PCDH7: variants seen among roughly 807,000 people sequenced by gnomAD.
The protein encoded by PCDH7 is protocadherin-7.
A neutral mutation model predicts 58.9 loss-of-function variants in PCDH7; 17 were observed. The ratio of observed to expected loss-of-function variants is 0.29; its 90% CI spans 0.20 to 0.43. PCDH7 has a LOEUF of 0.43. PCDH7 is among the 20% of genes least tolerant of loss of function. PCDH7 has a pLI of 1.00. For synonymous variants in PCDH7, 664 were observed against 616.4 expected, an observed-to-expected ratio of 1.08 and a Z score of -1.14; for missense variants, 1,274 against 1,441.0, an observed-to-expected ratio of 0.88 and a Z score of 1.88.
chr4:30,969,659 T>TGA (rs369288924), intron 3 of PCDH7, among the ~76,000 whole-genome samples: 7 of 151,494 alleles, frequency 4.6e-5, no homozygotes, highest in South Asian at 2.1e-4. Flanking sequence ...TAAGAGAGGA[T>TGA]GAGAGAGAGA....
At chr4:30,810,516 ATAAT>A (rs1374388580) in intron 1 of PCDH7, among the ~76,000 whole-genome samples, 3 of 152,100 alleles carry the variant, frequency 2.0e-5, no homozygotes, top group African/African-American at 4.8e-5. Flanking sequence ...ATTATAATGA[ATAAT>A]TAAATGATGA....
chr4:30,790,225 A>T (rs1345391871), intron 1 of PCDH7, among the ~76,000 whole-genome samples: 2 of 152,220 alleles, frequency 1.3e-5, no homozygotes, highest in African/African-American at 4.8e-5. Context: ...TTACTGAGTC[A>T]ATTCTGTAGA....
intron 1 of PCDH7, among the ~76,000 whole-genome samples, chr4:30,882,866 T>C (rs1737171644): frequency 6.6e-6 from 1 of 152,236 alleles, no homozygotes; most frequent in Non-Finnish European, 1.5e-5. Context: ...AATATCTTCA[T>C]AGATCTGTGT....
chr4:30,991,891 T>C (rs1419247422), intron 3 of PCDH7, among the ~76,000 whole-genome samples: 1 of 152,196 alleles, frequency 6.6e-6, no homozygotes, highest in African/African-American at 2.4e-5. Flanking sequence ...TTTTCTTTAT[T>C]AGAAGAATTT....
At chr4:30,868,495 G>A (rs917029603) in intron 1 of PCDH7, among the ~76,000 whole-genome samples, 4 of 152,036 alleles carry the variant, frequency 2.6e-5, no homozygotes, top group African/African-American at 9.7e-5. Context: ...AATGTTCAGT[G>A]CCTTCCATTT....
At chr4:31,007,880 A>G (rs1421179208) in intron 3 of PCDH7, among the ~76,000 whole-genome samples, 3 of 152,170 alleles carry the variant, frequency 2.0e-5, no homozygotes. Flanking sequence ...AAAGTGAATT[A>G]CAGAATCAGC....
At chr4:30,758,670 C>T (rs1051665136) in intron 1 of PCDH7, among the ~76,000 whole-genome samples, 9 of 152,056 alleles carry the variant, frequency 5.9e-5, no homozygotes, top group Non-Finnish European at 1.3e-4. Context: ...CTGCCTGCAT[C>T]GGTGGACAGG....
Position 30,722,179 on chromosome 4 carries a change from G to T in PCDH7, c.757G>T (p.Asp253Tyr). 1 of 1,554,698 alleles carries T rather than the reference G, an allele frequency of 6.4e-7. No individual in the cohort carries two copies. Residue 253 changes from aspartate to tyrosine, a missense_variant, in exon 1 of 2, where the codon GAC becomes TAC. Asp to Tyr is a radical substitution (Grantham distance 160). Transcript: ENST00000361762. This position sits in a 1 kb window ranked among gnomAD's most constrained non-coding sequence, Gnocchi z 7.6. ...CGAGCTGCAGGTGGCGGACACCCCG[G>T]ACGGCGAGAAGCAGCCGCAGCTGAT...
chr4:30,881,007 T>C (rs930840549), intron 1 of PCDH7, among the ~76,000 whole-genome samples: 9 of 152,146 alleles, frequency 5.9e-5, no homozygotes, highest in African/African-American at 1.9e-4. Flanking sequence ...GATTTTCACT[T>C]TCTCAACTCC....
chr4:30,792,716 G>A (rs896210227), intron 1 of PCDH7, among the ~76,000 whole-genome samples: 1 of 152,118 alleles, frequency 6.6e-6, no homozygotes, highest in Non-Finnish European at 1.5e-5. Flanking sequence ...TATCTCAGTA[G>A]GAGCTGAGGG....
chr4:30,972,452 G>T (rs1749677160), intron 3 of PCDH7, among the ~76,000 whole-genome samples: 1 of 152,012 alleles, frequency 6.6e-6, no homozygotes, highest in Non-Finnish European at 1.5e-5. Context: ...TCTAGAAGGG[G>T]CCACTCTGTC....
chr4:30,995,356 CA>C (rs1297120054), intron 3 of PCDH7, among the ~76,000 whole-genome samples: 15 of 151,856 alleles, frequency 9.9e-5, no homozygotes, highest in Non-Finnish European at 2.1e-4. Context: ...ACTAAAAATA[CA>C]AAAAATTAGC....
Position 30,801,122 on chromosome 4 carries a change from G to T in PCDH7, c.70+76526G>T, listed in dbSNP as rs146818013. On this transcript the variant is annotated intron_variant, in intron 1 of 3. Transcript: ENST00000509759. ...AGATCAAGAAGCATATGGACAGAAG[G>T]ATATAAACTATTTGGTAGGTGGTTA... Among the ~76,000 whole-genome samples, 545 of 152,292 alleles carry T rather than the reference G, an allele frequency of 3.6e-3. 1 individual carries two copies. The highest frequency in any genetic ancestry group is 0.013 in the African/African-American group (522 of 41,548).
chr4:30,912,460 A>G (rs534413681), intron 1 of PCDH7, among the ~76,000 whole-genome samples: 46 of 152,190 alleles, frequency 3.0e-4, no homozygotes, highest in Non-Finnish European at 6.2e-4. Flanking sequence ...TTTGACTGAC[A>G]AAAAGAGTCA....
intron 3 of PCDH7, among the ~76,000 whole-genome samples, chr4:31,073,134 A>C (rs1758692561): frequency 6.6e-6 from 1 of 152,168 alleles, no homozygotes; most frequent in African/African-American, 2.4e-5. Flanking sequence ...GTATTTGTAA[A>C]TGCAAACAGG....
chr4:31,004,568 A>G (rs1222061901), intron 3 of PCDH7, among the ~76,000 whole-genome samples: 1 of 151,926 alleles, frequency 6.6e-6, no homozygotes, highest in East Asian at 1.9e-4. Flanking sequence ...AAATTAGCTG[A>G]TCAGCTACTT....
chr4:30,747,010 T>G (rs904806766), intron 1 of PCDH7, among the ~76,000 whole-genome samples: 1 of 152,204 alleles, frequency 6.6e-6, no homozygotes, highest in East Asian at 1.9e-4. Context: ...AGCAGTATAA[T>G]GAATCATTTG....
rs1444881942 is a variant in PCDH7 at position 31,137,236 on chromosome 4, AG to A, written c.*8-5236del. Among the ~76,000 whole-genome samples, 3 of 152,344 alleles carry A rather than the reference AG, an allele frequency of 2.0e-5. No homozygotes were observed. In the East Asian group the frequency reaches 5.8e-4, roughly 29 times the overall value. ...CACTTTAAAAAGGAAAAAAGGAAAA[AG>A]TTCCTGCATGTGGTTTTGTTTTGTG... On this transcript the variant is annotated intron_variant, in intron 3 of 3. Transcript: ENST00000509759.
At chr4:30,918,208 A>G (rs891278461) in intron 1 of PCDH7, among the ~76,000 whole-genome samples, 5 of 152,110 alleles carry the variant, frequency 3.3e-5, no homozygotes, top group Non-Finnish European at 5.9e-5. Flanking sequence ...TTAAAATTTC[A>G]TTGCCCAGAA....
Sources: allele counts gnomAD v4.1 joint callset (sites outside exome capture counted in the v4.1 genomes callset), GRCh38; gene constraint gnomAD v4.1.1; non-coding constraint Gnocchi (gnomAD v3.1); transcripts MANE v1.5; gene names NCBI Gene and HGNC (gene_info 2026-07-23, HGNC 2026-07-21).